CIRBP: variants seen among roughly 807,000 people sequenced by gnomAD.
CIRBP encodes cold-inducible RNA-binding protein.
In CIRBP, 11 loss-of-function variants were observed where a neutral mutation model predicts 22.3. That is an observed-to-expected ratio of 0.49 (90% CI 0.31 to 0.82). The LOEUF (loss-of-function observed/expected upper bound fraction) is 0.82, where lower values mean the gene tolerates loss of function less well. Ranked by LOEUF, CIRBP falls within the 40% of genes least tolerant of loss-of-function variation. The probability of loss-of-function intolerance (pLI) is 0.05; values close to 1 mark genes in which losing one functional copy is unlikely to be tolerated. For missense variants in CIRBP, 456 were observed against 402.7 expected (o/e 1.13, Z -1.13); for synonymous variants, 216 against 158.8 (o/e 1.36, Z -2.71).
chr19:1,271,912 C>T, intron 5 of CIRBP, 69 bp from the exon 6 acceptor site: 1 of 1,410,252 alleles, frequency 7.1e-7, no homozygotes, highest in Non-Finnish European at 9.9e-7. Flanking sequence ...GGGCTGGCGG[C>T]TCAGCCTGTT....
chr19:1,274,425 A>T lies in CIRBP; in HGVS notation c.*1982A>T, dbSNP rs2081389191. 1 of 399,696 alleles carries T rather than the reference A, an allele frequency of 2.5e-6. No homozygotes were observed. The highest frequency in any genetic ancestry group is 4.4e-6 in the Non-Finnish European group (1 of 225,578). 24.8% of individuals were successfully genotyped at this position (399,696 alleles called of 1,614,324 possible). On this transcript the variant is annotated 3_prime_UTR_variant, in exon 6 of 6. Transcript: ENST00000587896. Reference sequence around the variant, plus strand: ...AAGAGCTGGAGGCAGCCGCTTGCCCAGGAGGCTTGTCCCCTGTAAGTGCTT... The same window carrying T: ...AAGAGCTGGAGGCAGCCGCTTGCCCTGGAGGCTTGTCCCCTGTAAGTGCTT...
Position 1,272,552 on chromosome 19 carries a change from T to G in CIRBP, c.*109T>G. On this transcript the variant is annotated 3_prime_UTR_variant, in exon 6 of 6. Coordinates refer to ENST00000587896, the MANE Select transcript of CIRBP (RefSeq NM_001300829.2). Reference sequence around the variant, plus strand: ...AATGCACCTCCTTGTATTCCCACTTTCGTAGTCATTTCGGTTCTGATCTTG... The same window carrying G: ...AATGCACCTCCTTGTATTCCCACTTGCGTAGTCATTTCGGTTCTGATCTTG... 3 of 988,110 alleles carry G rather than the reference T, an allele frequency of 3.0e-6. No individual in the cohort carries two copies. The South Asian group carries it at 4.9e-5, about 16-fold the overall frequency. 61.2% of individuals were successfully genotyped at this position (988,110 alleles called of 1,614,324 possible).
rs375781204 is a variant in CIRBP, at chr19:1,272,377, G to A, written c.828G>A (p.Leu276=). The part of the protein sequence containing the change: ...PRPGLASGVK[L]PLVASVPLHC... ...CTGGTCTGGCCTCTGGGGTGAAGCT[G>A]CCTCTTGTTGCTTCGGTGCCTTTAC... Residue 276 remains leucine, a synonymous_variant, in exon 6 of 6, where the codon CTG becomes CTA. Transcript: ENST00000587896. 21 of 1,602,474 alleles carry A rather than the reference G, an allele frequency of 1.3e-5. No individual in the cohort carries two copies. The African/African-American group carries it at 2.3e-4, about 18-fold the overall frequency.
In CIRBP at chr19:1,274,428, A is replaced by C. The variant is rs2081389282; in HGVS notation, c.*1985A>C. The C allele has an allele frequency of 7.5e-6, 3 of 399,362 alleles. No homozygotes were observed. Among genetic ancestry groups the C allele is most frequent in the Non-Finnish European group, 1.3e-5 (3 of 225,498 alleles). 24.7% of individuals were successfully genotyped at this position (399,362 alleles called of 1,614,324 possible). On this transcript the variant is annotated 3_prime_UTR_variant, in exon 6 of 6. Coordinates refer to ENST00000587896, the MANE Select transcript of CIRBP (RefSeq NM_001300829.2). ...AGCTGGAGGCAGCCGCTTGCCCAGG[A>C]GGCTTGTCCCCTGTAAGTGCTTTCG...
chr19:1,271,793 G>A (rs757102683), intron 5 of CIRBP, 161 bp downstream of exon 5: 43 of 703,130 alleles, frequency 6.1e-5, no homozygotes, highest in Non-Finnish European at 9.1e-5. Flanking sequence ...CAGGACATTC[G>A]CAGAAGCGGG....
rs1048875246 is a variant in CIRBP, at chr19:1,271,625, T to C, written c.424T>C (p.Tyr142His). Residue 142 changes from tyrosine (Y) to histidine (H), a missense_variant, in exon 5 of 6, where the codon TAT becomes CAT. Around this residue, in one of 2 missense-constraint regions of CIRBP, gnomAD observed 426 missense variants for 339.6 expected, o/e 1.25. Coordinates refer to ENST00000587896, the MANE Select transcript of CIRBP (RefSeq NM_001300829.2). ...SGGYGGSRDY[Y>H]SSRSQSGGYS... ...GGGCTACGGAGGCTCCAGAGACTAC[T>C]ATAGCAGGTGAGGGGGAGGCCGGCC... 5.9e-6 allele frequency: 9 copies of C among 1,525,640 alleles called. No individual in the cohort carries two copies. The Admixed American group carries it at 8.5e-5, about 14-fold the overall frequency. The allele number at this position is 1,525,640 out of a possible 1,614,324, so 94.5% of individuals were successfully genotyped here. A position where few individuals can be genotyped will look rare whatever the true frequency, so the allele number is the denominator to read the frequency against.
In CIRBP at chr19:1,270,122, T is replaced by G. The variant is rs1433851013; in HGVS notation, c.-7+712T>G. On this transcript the variant is annotated intron_variant, in intron 1 of 5. Coordinates refer to ENST00000587896, the MANE Select transcript of CIRBP (RefSeq NM_001300829.2). ...ACTTCCCCTGCCTGGAAATCCTGCC[T>G]TATCACTTCCGGGGCCATCCCTTCC... The G allele has an allele frequency of 7.7e-6, 4 of 518,958 alleles. No homozygotes were observed. In the Admixed American group the frequency reaches 7.8e-5, roughly 10 times the overall value. 32.1% of individuals were successfully genotyped at this position (518,958 alleles called of 1,614,324 possible). A position where few individuals can be genotyped will look rare whatever the true frequency, so the allele number is the denominator to read the frequency against.
At position 1,272,375 on chromosome 19, in the gene CIRBP, C is replaced by A; in HGVS notation, c.826C>A (p.Leu276Met). 6.2e-7 allele frequency: 1 copy of A among 1,604,326 alleles called. No individual in the cohort carries two copies. Among genetic ancestry groups the A allele is most frequent in the South Asian group, 1.1e-5 (1 of 89,886 alleles). The change falls in exon 6 of 6, where the codon CTG becomes ATG. Residue 276 changes from leucine (L) to methionine (M), a missense_variant. Transcript: ENST00000587896. ...PRPGLASGVK[L>M]PLVASVPLHC... The stretch of plus-strand genomic sequence containing the variant: ...CCCTGGTCTGGCCTCTGGGGTGAAG[C>A]TGCCTCTTGTTGCTTCGGTGCCTTT...
rs1355035614 is a variant in CIRBP at position 1,272,962 on chromosome 19, G to T, written c.*519G>T. The T allele has an allele frequency of 1.9e-5, 3 of 154,868 alleles. No individual in the cohort carries two copies. Among genetic ancestry groups the T allele is most frequent in the Admixed American group, 1.3e-4 (2 of 15,786 alleles). 9.6% of individuals were successfully genotyped at this position (154,868 alleles called of 1,614,324 possible). On this transcript the variant is annotated 3_prime_UTR_variant, in exon 6 of 6. Coordinates refer to ENST00000587896, the MANE Select transcript of CIRBP (RefSeq NM_001300829.2). ...CGGGTGTGGCAGCAACTGCCCTGGA[G>T]CCCCAGCCCCTGCGTCCATCTGTGC...
At chr19:1,270,164 TCCTGGCTATGGAAGTCAGTA>T in intron 1 of CIRBP, 1 of 507,300 alleles carries the variant, frequency 2.0e-6, no homozygotes, top group African/African-American at 1.9e-5. Context: ...CCGGCCTAGG[TCCTGGCTATGGAAGTCAGTA>T]CCTGCCCTGA....
intron 1 of CIRBP, among the ~76,000 whole-genome samples, chr19:1,270,479 C>T (rs957384707): frequency 6.6e-6 from 1 of 152,102 alleles, no homozygotes. Context: ...ATTAAGAAGT[C>T]CTAGGTGGCT....
chr19:1,270,443 G>C (rs953642269), intron 1 of CIRBP, among the ~76,000 whole-genome samples: 1 of 152,126 alleles, frequency 6.6e-6, no homozygotes, highest in African/African-American at 2.4e-5. Context: ...CTTCAGTCTT[G>C]GGGGTGGATG....
At position 1,272,210 on chromosome 19, in the gene CIRBP, A is replaced by G; in HGVS notation, c.661A>G (p.Arg221Gly). The G allele has an allele frequency of 6.3e-7, 1 of 1,593,680 alleles. No individual in the cohort carries two copies. The highest frequency in any genetic ancestry group is 1.1e-5 in the South Asian group (1 of 89,950). Reference sequence around the variant, plus strand: ...GTCCTCTCAGAGCCATTTCTATCGCAGGACGCAAAAGCCAAATGAGACTGA... The same window carrying G: ...GTCCTCTCAGAGCCATTTCTATCGCGGGACGCAAAAGCCAAATGAGACTGA... Reference protein sequence around the residue: ...HLSSQSHFYRRTQKPNETDQK... With the variant: ...HLSSQSHFYRGTQKPNETDQK... Residue 221 changes from arginine (R) to glycine (G), a missense_variant, in exon 6 of 6, where the codon AGG becomes GGG. By Grantham distance (125) the Arg-to-Gly change is moderately radical. Around this residue, in one of 2 missense-constraint regions of CIRBP, gnomAD observed 426 missense variants for 339.6 expected, o/e 1.25. Transcript: ENST00000587896.
chr19:1,271,718 A>G, intron 5 of CIRBP, 86 bp downstream of exon 5: 1 of 909,254 alleles, frequency 1.1e-6, no homozygotes, highest in Non-Finnish European at 1.7e-6. Context: ...GGGAGCTGAG[A>G]TGAGACTGGC....
At position 1,272,210 on chromosome 19, in the gene CIRBP, A is replaced by T; in HGVS notation, c.661A>T (p.Arg221Trp). Residue 221 changes from arginine to tryptophan, a missense_variant, in exon 6 of 6, where the codon AGG (arginine) becomes TGG (tryptophan). Arg to Trp is a moderately radical substitution (Grantham distance 101). Around this residue, in one of 2 missense-constraint regions of CIRBP, gnomAD observed 426 missense variants for 339.6 expected, o/e 1.25. Coordinates refer to ENST00000587896, the MANE Select transcript of CIRBP (RefSeq NM_001300829.2). ...HLSSQSHFYRRTQKPNETDQK... is the reference protein window; with the variant it reads ...HLSSQSHFYRWTQKPNETDQK... ...GTCCTCTCAGAGCCATTTCTATCGC[A>T]GGACGCAAAAGCCAAATGAGACTGA... The T allele has an allele frequency of 6.3e-7, 1 of 1,593,682 alleles. No individual in the cohort carries two copies. The highest frequency in any genetic ancestry group is 8.5e-7 in the Non-Finnish European group (1 of 1,170,928).
rs893447554 is a variant in CIRBP at position 1,273,703 on chromosome 19, C to A, written c.*1260C>A. 1 of 152,258 alleles carries A rather than the reference C, an allele frequency of 6.6e-6. No individual in the cohort carries two copies. The highest frequency in any genetic ancestry group is 1.5e-5 in the Non-Finnish European group (1 of 68,054). 9.4% of individuals were successfully genotyped at this position (152,258 alleles called of 1,614,324 possible). ...TGGCTAGCTCATATGTGGAAATAGC[C>A]CTGTAATTCGAGGTAACTCCTTCCG... On this transcript the variant is annotated 3_prime_UTR_variant, in exon 6 of 6. Coordinates refer to ENST00000587896, the MANE Select transcript of CIRBP (RefSeq NM_001300829.2).
rs755983244 is a variant in CIRBP, at chr19:1,271,500, T to C, written c.349+33T>C. The stretch of plus-strand genomic sequence containing the variant: ...CCATGAGTGGGTCCCTTGGGGATGC[T>C]GTGAGGTACTGCTGGTGGGAGCTGG... On this transcript the variant is annotated intron_variant, in intron 4 of 5. Transcript: ENST00000587896. 25 of 1,602,204 alleles carry C rather than the reference T, an allele frequency of 1.6e-5. No homozygotes were observed. The South Asian group carries it at 2.1e-4, about 14-fold the overall frequency.
rs867726916 is a variant in CIRBP, at chr19:1,269,888, T to A, written c.-7+478T>A. On this transcript the variant is annotated intron_variant, in intron 1 of 5. Coordinates refer to ENST00000587896, the MANE Select transcript of CIRBP (RefSeq NM_001300829.2). ...GAGGGAAAGGACGGCCTCGTAAATCTTGGGTAGGCGTGGCCCGTTCTAGTG... is the reference window on the plus strand; with the variant it reads ...GAGGGAAAGGACGGCCTCGTAAATCATGGGTAGGCGTGGCCCGTTCTAGTG... The A allele has an allele frequency of 4.8e-5, 25 of 519,802 alleles. 1 individual carries two copies. Among genetic ancestry groups the A allele is most frequent in the South Asian group, 3.5e-4 (25 of 71,576 alleles). The allele number at this position is 519,802 out of a possible 1,614,324, so 32.2% of individuals were successfully genotyped here.
At chr19:1,270,886 A>T in intron 1 of CIRBP, 42 bp from the exon 2 acceptor site, 2 of 1,253,198 alleles carry the variant, frequency 1.6e-6, no homozygotes, top group Non-Finnish European at 2.3e-6. Context: ...AGAGGTGGTG[A>T]GAGATGACCC....
Sources: allele counts gnomAD v4.1 joint callset (sites outside exome capture counted in the v4.1 genomes callset), GRCh38; gene constraint gnomAD v4.1.1; regional missense constraint gnomAD v4.1.1; transcripts MANE v1.5; gene names NCBI Gene and HGNC (gene_info 2026-07-23, HGNC 2026-07-21).